Variants in UGGT1 observed in about 807,000 individuals in gnomAD.
The protein encoded by UGGT1 is UDP-glucose glycoprotein glucosyltransferase 1, also known as UDP-glucose:glycoprotein glucosyltransferase 1.
A neutral mutation model predicts 203.9 loss-of-function variants in UGGT1; 107 were observed. That is an observed-to-expected ratio of 0.52 (90% confidence interval 0.45 to 0.62). The LOEUF (loss-of-function observed/expected upper bound fraction) is 0.62, where lower values mean the gene tolerates loss of function less well. Ranked by LOEUF, UGGT1 falls within the 20% of genes least tolerant of loss-of-function variation. The pLI is 0.00. For synonymous variants in UGGT1, 628 were observed against 653.5 expected, an observed-to-expected ratio of 0.96 and a Z score of 0.59; for missense variants, 1,673 against 1,867.2, an observed-to-expected ratio of 0.90 and a Z score of 1.92.
At position 128,164,687 on chromosome 2, in the gene UGGT1, T is replaced by G. The variant is rs778180860; in HGVS notation, c.2826-43T>G. The G allele has an allele frequency of 3.9e-6, 6 of 1,545,238 alleles. No homozygotes were observed. In the African/African-American group the frequency reaches 6.8e-5, roughly 18 times the overall value. ...ATGTTTGGCAATAATTGGAAAACTT[T>G]CAGTTAAAAAGATGTTAAGATTTCT... On this transcript the variant is annotated intron_variant, in intron 25 of 40. Coordinates refer to ENST00000259253, the MANE Select transcript of UGGT1 (RefSeq NM_020120.4).
At chr2:128,118,735 T>G (rs975829911) in intron 8 of UGGT1, among the ~76,000 whole-genome samples, 1 of 152,150 alleles carries the variant, frequency 6.6e-6, no homozygotes, top group South Asian at 2.1e-4. Flanking sequence ...TTTTTTTTGT[T>G]TGAGACAGGC....
Position 128,133,129 on chromosome 2 carries a change from T to A in UGGT1, c.1378-12T>A, listed in dbSNP as rs372117439. Reference sequence around the variant, plus strand: ...CTAATGTGCATGTATCCTGTTGTGTTATTTTTTGTAGTGGGTCAACAACCT... The same window carrying A: ...CTAATGTGCATGTATCCTGTTGTGTAATTTTTTGTAGTGGGTCAACAACCT... On this transcript the variant is annotated splice_polypyrimidine_tract_variant and intron_variant, in intron 13 of 40. Transcript: ENST00000259253. 103 of 1,613,570 alleles carry A rather than the reference T, an allele frequency of 6.4e-5. No homozygotes were observed. The highest frequency in any genetic ancestry group is 1.7e-4 in the Admixed American group (10 of 59,984).
intron 31 of UGGT1, 68 bp from the exon 32 acceptor site, chr2:128,176,746 G>A (rs1691415798): frequency 4.9e-6 from 7 of 1,415,508 alleles, no homozygotes; most frequent in African/African-American, 2.9e-5. Flanking sequence ...GGACTCAGAT[G>A]CTCTGAGAGC....
intron 19 of UGGT1, among the ~76,000 whole-genome samples, 166 bp downstream of exon 19, chr2:128,153,070 T>C (rs1007964735): frequency 6.6e-6 from 1 of 151,872 alleles, no homozygotes; most frequent in African/African-American, 2.4e-5. Context: ...TAGTTCATAA[T>C]ATGAGATTCT....
Position 128,185,571 on chromosome 2 carries a change from T to G in UGGT1, c.4360-1112T>G, listed in dbSNP as rs184472349. 2.8e-3 allele frequency among the ~76,000 whole-genome samples: 412 copies of G among 145,716 alleles called. 4 individuals are homozygous for G. Among genetic ancestry groups the G allele is most frequent in the African/African-American group, 0.01 (394 of 38,966 alleles). ...TCACTGCAGCCTCGAACTCCCAGGCTCAGGCGATCCTCCCACCTCAGCCTC... is the reference window on the plus strand; with the variant it reads ...TCACTGCAGCCTCGAACTCCCAGGCGCAGGCGATCCTCCCACCTCAGCCTC... On this transcript the variant is annotated intron_variant, in intron 38 of 40. Transcript: ENST00000259253.
intron 36 of UGGT1, among the ~76,000 whole-genome samples, chr2:128,181,471 G>A (rs751708231): frequency 5.3e-5 from 8 of 152,186 alleles, no homozygotes; most frequent in Non-Finnish European, 1.2e-4. Flanking sequence ...GGGAACCTCC[G>A]GATATTCTTC....
intron 17 of UGGT1, among the ~76,000 whole-genome samples, chr2:128,144,595 A>G (rs1255215282): frequency 6.6e-6 from 1 of 152,236 alleles, no homozygotes; most frequent in Admixed American, 6.5e-5. Flanking sequence ...GTCAAAGAAC[A>G]GAATTAACAT....
Position 128,143,194 on chromosome 2 carries a change from G to T in UGGT1, c.1820G>T (p.Gly607Val). 6.2e-7 allele frequency: 1 copy of T among 1,613,284 alleles called. No individual in the cohort carries two copies. The highest frequency in any genetic ancestry group is 8.5e-7 in the Non-Finnish European group (1 of 1,179,698). The change falls in exon 17 of 41, where the codon GGG (glycine) becomes GTG (valine). Residue 607 changes from glycine to valine, a missense_variant. By Grantham distance (109) the Gly-to-Val change is moderately radical (BLOSUM62 -3). Around this residue, in one of 4 missense-constraint regions of UGGT1, gnomAD observed 1,073 missense variants for 1,078.7 expected, o/e 0.99. Transcript: ENST00000259253. Reference protein sequence around the residue: ...YPYVEVNSILGIDSAYDRNRK... With the variant: ...YPYVEVNSILVIDSAYDRNRK... ...TATGTAGAAGTGAATAGCATTTTGGGGATTGATTCTGCTTATGATCGGAAT... is the reference window on the plus strand; with the variant it reads ...TATGTAGAAGTGAATAGCATTTTGGTGATTGATTCTGCTTATGATCGGAAT...
intron 1 of UGGT1, 98 bp downstream of exon 1, chr2:128,091,513 C>A: frequency 6.7e-7 from 1 of 1,495,954 alleles, no homozygotes. Flanking sequence ...CCGCCTCTAC[C>A]GTGACTCAGT....
At chr2:128,170,750 G>C (rs1375433461) in intron 27 of UGGT1, among the ~76,000 whole-genome samples, 1 of 151,878 alleles carries the variant, frequency 6.6e-6, no homozygotes, top group African/African-American at 2.4e-5. Context: ...TGGATTTTTT[G>C]TCTTGGCATG....
At chr2:128,154,515 C>T (rs1347082976) in intron 19 of UGGT1, among the ~76,000 whole-genome samples, 1 of 152,084 alleles carries the variant, frequency 6.6e-6, no homozygotes, top group Non-Finnish European at 1.5e-5. Flanking sequence ...CTTTGGCTGT[C>T]CTGGAACCTT....
intron 8 of UGGT1, 127 bp from the exon 9 acceptor site, chr2:128,120,229 C>G: frequency 1.4e-6 from 1 of 719,522 alleles, no homozygotes; most frequent in South Asian, 1.9e-5. Flanking sequence ...TCATTTTTTC[C>G]CCCTATGTCG....
rs576474049 is a variant in UGGT1 at position 128,171,313 on chromosome 2, G to T, written c.3104+29G>T. 3.8e-6 allele frequency: 6 copies of T among 1,590,722 alleles called. No homozygotes were observed. In the African/African-American group the frequency reaches 8.1e-5, roughly 21 times the overall value. The stretch of plus-strand genomic sequence containing the variant: ...AAACATGCTATGTAAGAAAACAGTT[G>T]AAGAAATTGTACTGAATCCAAGTTC... On this transcript the variant is annotated intron_variant, in intron 28 of 40. Coordinates refer to ENST00000259253, the MANE Select transcript of UGGT1 (RefSeq NM_020120.4).
chr2:128,092,508 T>G (rs1373584586), intron 1 of UGGT1, among the ~76,000 whole-genome samples: 5 of 151,692 alleles, frequency 3.3e-5, no homozygotes, highest in Non-Finnish European at 5.9e-5. Context: ...GAAAATTTGC[T>G]TAGAACTTTC....
intron 16 of UGGT1, among the ~76,000 whole-genome samples, chr2:128,139,093 G>T (rs1348639999): frequency 6.6e-6 from 1 of 152,186 alleles, no homozygotes; most frequent in Non-Finnish European, 1.5e-5. Flanking sequence ...GGGGAAGGTA[G>T]TTAAGCAGGG....
At position 128,179,858 on chromosome 2, in the gene UGGT1, C is replaced by T. The variant is rs778028257; in HGVS notation, c.3888C>T (p.Ser1296=). The T allele has an allele frequency of 6.2e-7, 1 of 1,613,258 alleles. No homozygotes were observed. Among genetic ancestry groups the T allele is most frequent in the East Asian group, 2.2e-5 (1 of 44,828 alleles). The part of the protein sequence containing the change: ...VKFWFLKNYL[S]PTFKEFIPYM... ...TCTGGTTCTTGAAGAATTACTTGTCCCCCACATTTAAGGTTTGTTTCACAG... is the reference window on the plus strand; with the variant it reads ...TCTGGTTCTTGAAGAATTACTTGTCTCCCACATTTAAGGTTTGTTTCACAG... The change falls in exon 35 of 41, where the codon TCC becomes TCT. Residue 1296 remains serine, a synonymous_variant. Coordinates refer to ENST00000259253, the MANE Select transcript of UGGT1 (RefSeq NM_020120.4).
rs70988604 is a variant in UGGT1, at chr2:128,094,736, C to CTTTTTTTTTTT, written c.59-2673_59-2663dup. ...GTCTATGGTTAGTCCTAAGAGAATGCTTTTTTTTTTTTTTTTTTTTTTTTT... is the reference window on the plus strand; with the variant it reads ...GTCTATGGTTAGTCCTAAGAGAATGCTTTTTTTTTTTTTTTTTTTTTTTTTTTTTTTTTTTT... On this transcript the variant is annotated intron_variant, in intron 1 of 40. Coordinates refer to ENST00000259253, the MANE Select transcript of UGGT1 (RefSeq NM_020120.4). 5.9e-5 allele frequency among the ~76,000 whole-genome samples: 5 copies of CTTTTTTTTTTT among 84,632 alleles called. 1 individual carries two copies. Among genetic ancestry groups the CTTTTTTTTTTT allele is most frequent in the African/African-American group, 2.8e-4 (5 of 17,626 alleles). The allele number at this position is 84,632 out of a possible 152,430, so 55.5% of individuals were successfully genotyped here.
chr2:128,116,330 T>C lies in UGGT1; in HGVS notation c.859T>C (p.Phe287Leu). The change falls in exon 8 of 41, where the codon TTT becomes CTT. Residue 287 changes from phenylalanine (F) to leucine (L), a missense_variant. Physicochemically the swap from Phe to Leu is conservative, Grantham distance 22 (BLOSUM62 0). Coordinates refer to ENST00000259253, the MANE Select transcript of UGGT1 (RefSeq NM_020120.4). ...TATTGATGAGGTTCAGGGGTTCCTC[T>C]TTGGAAAATTAAGGTATGTATGTTC... ...DPIDEVQGFLFGKLRDLHPDL... is the reference protein window; with the variant it reads ...DPIDEVQGFLLGKLRDLHPDL... The C allele has an allele frequency of 1.2e-6, 2 of 1,609,354 alleles. No homozygotes were observed. Among genetic ancestry groups the C allele is most frequent in the Non-Finnish European group, 1.7e-6 (2 of 1,175,762 alleles).
intron 2 of UGGT1, among the ~76,000 whole-genome samples, chr2:128,097,922 T>TGA (rs986981064): frequency 5.3e-5 from 8 of 152,090 alleles, no homozygotes; most frequent in African/African-American, 1.9e-4. Flanking sequence ...AGTGCAGTGG[T>TGA]GAGATCTTGG....
Sources: gnomAD v4.1 joint callset for allele counts (sites outside exome capture counted in the v4.1 genomes callset) on GRCh38, gnomAD v4.1.1 for gene constraint, gnomAD v4.1.1 regional missense constraint, MANE v1.5 for transcripts, NCBI Gene and HGNC (gene_info 2026-07-23, HGNC 2026-07-21) for gene names.